The following RGP1 variants were observed in gnomAD, a reference collection of about 807,000 sequenced individuals.
RGP1 encodes RGP1 partner of RAB6A GEF complex, also known as RAB6A-GEF complex partner protein 2.
Under a neutral mutation model 44.5 loss-of-function variants are expected in RGP1, and 28 were observed. The observed-to-expected ratio is 0.63, with a 90% CI of 0.47 to 0.86. RGP1 has a LOEUF of 0.86. RGP1 is among the 40% of genes least tolerant of loss of function. RGP1 has a pLI of 0.00. For synonymous variants in RGP1, 212 were observed against 196.7 expected (o/e 1.08, Z -0.65); for missense variants, 417 against 490.7 (o/e 0.85, Z 1.42).
chr9:35,749,528 G>A lies in RGP1; in HGVS notation c.-20+120G>A. 1 of 679,120 alleles carries A rather than the reference G, an allele frequency of 1.5e-6. No individual in the cohort carries two copies. Among genetic ancestry groups the A allele is most frequent in the South Asian group, 1.5e-5 (1 of 66,728 alleles). 42.1% of individuals were successfully genotyped at this position (679,120 alleles called of 1,614,324 possible). A position where few individuals can be genotyped will look rare whatever the true frequency, so the allele number is the denominator to read the frequency against. On this transcript the variant is annotated intron_variant, in intron 1 of 8. Coordinates refer to ENST00000378078, the MANE Select transcript of RGP1 (RefSeq NM_001080496.3). The surrounding 1 kb of genome is among the most constrained non-coding windows in gnomAD (Gnocchi z 4.4). ...GAAGAACCCGTCGCACAGGGGCTGG[G>A]GTCTAGGGCCCAGAGCGATGTCCTC...
chr9:35,758,823 G>A (rs976080952), downstream of RGP1, among the ~76,000 whole-genome samples: 4 of 150,044 alleles, frequency 2.7e-5, no homozygotes, highest in Non-Finnish European at 1.5e-5. Context: ...TTTTTTTTAA[G>A]CCCACAGTCC....
chr9:35,753,638 C>T lies in RGP1; in HGVS notation c.*764C>T. 1 of 1,585,174 alleles carries T rather than the reference C, an allele frequency of 6.3e-7. No individual in the cohort carries two copies. Among genetic ancestry groups the T allele is most frequent in the South Asian group, 1.1e-5 (1 of 90,196 alleles). ...GTCACTCATATCAGAGTCATTCTCT[C>T]TGGCCATCTTTGGTCACTCACGTGT... On this transcript the variant is annotated 3_prime_UTR_variant, in exon 9 of 9. Coordinates refer to ENST00000378078, the MANE Select transcript of RGP1 (RefSeq NM_001080496.3). This position sits in a 1 kb window ranked among gnomAD's most constrained non-coding sequence, Gnocchi z 4.2.
At chr9:35,750,090 C>G (rs1488970253) in intron 2 of RGP1, among the ~76,000 whole-genome samples, 153 bp from the exon 3 acceptor site, 2 of 152,226 alleles carry the variant, frequency 1.3e-5, no homozygotes, top group East Asian at 3.8e-4. Context: ...GTCTGCTACT[C>G]TTTATTTAAT....
chr9:35,766,958 G>A, the RGP1 span, among the ~76,000 whole-genome samples: 1 of 152,150 alleles, frequency 6.6e-6, no homozygotes, highest in Non-Finnish European at 1.5e-5. Flanking sequence ...TTATTATAAT[G>A]AGCCTCCATT....
the RGP1 span, among the ~76,000 whole-genome samples, chr9:35,774,636 G>A: frequency 1.5e-4 from 23 of 152,166 alleles, no homozygotes; most frequent in East Asian, 1.2e-3. Context: ...AGGCAGGAGA[G>A]TGGCGTGAAC....
At chr9:35,766,143 T>C in the RGP1 span, among the ~76,000 whole-genome samples, 1 of 146,836 alleles carries the variant, frequency 6.8e-6, no homozygotes, top group Non-Finnish European at 1.5e-5. Flanking sequence ...TATTGTCAGT[T>C]TCTTAAAAAA....
chr9:35,767,397 A>G, the RGP1 span, among the ~76,000 whole-genome samples: 1 of 148,844 alleles, frequency 6.7e-6, no homozygotes, highest in Non-Finnish European at 1.5e-5. Flanking sequence ...TTAGCCATTC[A>G]TGTGTTCCTT....
At position 35,753,142 on chromosome 9, in the gene RGP1, G is replaced by A; in HGVS notation, c.*268G>A. 6.2e-7 allele frequency: 1 copy of A among 1,614,204 alleles called. No individual in the cohort carries two copies. Among genetic ancestry groups the A allele is most frequent in the Non-Finnish European group, 8.5e-7 (1 of 1,180,024 alleles). On this transcript the variant is annotated 3_prime_UTR_variant, in exon 9 of 9. Coordinates refer to ENST00000378078, the MANE Select transcript of RGP1 (RefSeq NM_001080496.3). This position sits in a 1 kb window ranked among gnomAD's most constrained non-coding sequence, Gnocchi z 4.2. ...CAGGAGCCCCAGGAACAGGGGTGTT[G>A]GCTGAGCCCCATTCTGGGTCAGGCC...
Position 35,756,382 on chromosome 9 carries a change from T to C in RGP1, c.*3508T>C, listed in dbSNP as rs1048850564. On this transcript the variant is annotated 3_prime_UTR_variant, in exon 9 of 9. Coordinates refer to ENST00000378078, the MANE Select transcript of RGP1 (RefSeq NM_001080496.3). ...GTCAGTGCACCTCAAACTCCCTTGC[T>C]GTCCTTTTCCAAGGAGACAGCTAAG... The C allele has an allele frequency of 1.3e-5, 2 of 152,326 alleles. No homozygotes were observed. The highest frequency in any genetic ancestry group is 4.8e-5 in the African/African-American group (2 of 41,458). The allele number at this position is 152,326 out of a possible 1,614,324, so 9.4% of individuals were successfully genotyped here. A position where few individuals can be genotyped will look rare whatever the true frequency, so the allele number is the denominator to read the frequency against.
chr9:35,757,484 A>T lies in RGP1; in HGVS notation c.*4610A>T, dbSNP rs111294412. The T allele has an allele frequency of 0.034, 5,125 of 152,612 alleles. 241 individuals are homozygous for T. The highest frequency in any genetic ancestry group is 0.11 in the African/African-American group (4,693 of 41,526). 9.5% of individuals were successfully genotyped at this position (152,612 alleles called of 1,614,324 possible). ...GTCGGGCAGGTGGCGTAACCCAGAA[A>T]GGGAAGGAGAGCCGGATTGATTGGG... On this transcript the variant is annotated 3_prime_UTR_variant, in exon 9 of 9. Coordinates refer to ENST00000378078, the MANE Select transcript of RGP1 (RefSeq NM_001080496.3).
the RGP1 span, among the ~76,000 whole-genome samples, chr9:35,781,572 G>A: frequency 6.6e-6 from 1 of 152,212 alleles, no homozygotes; most frequent in African/African-American, 2.4e-5. Flanking sequence ...TATTCCATGA[G>A]AGAAGGAATT....
downstream of RGP1, among the ~76,000 whole-genome samples, chr9:35,761,171 A>G (rs1025618767): frequency 6.6e-6 from 1 of 152,212 alleles, no homozygotes; most frequent in Non-Finnish European, 1.5e-5. Context: ...TGAGAACTAC[A>G]TTTCCCTGGG....
chr9:35,759,791 G>A (rs149825420), downstream of RGP1, among the ~76,000 whole-genome samples: 22 of 151,322 alleles, frequency 1.5e-4, no homozygotes, highest in East Asian at 3.7e-3. Flanking sequence ...AAGTCCTGTC[G>A]TCTTTGCTGG....
At chr9:35,788,480 C>T in the RGP1 span, among the ~76,000 whole-genome samples, 2 of 151,762 alleles carry the variant, frequency 1.3e-5, no homozygotes, top group African/African-American at 4.8e-5. Context: ...GCAGGAGAAT[C>T]ACTTGAACCT....
chr9:35,780,234 A>G, the RGP1 span: 2 of 152,188 alleles, frequency 1.3e-5, no homozygotes, highest in Non-Finnish European at 1.5e-5. Flanking sequence ...AGCAGAATCA[A>G]TAGAAGGGAT....
chr9:35,757,406 G>C lies in RGP1; in HGVS notation c.*4532G>C, dbSNP rs1156416682. On this transcript the variant is annotated 3_prime_UTR_variant, in exon 9 of 9. Transcript: ENST00000378078. ...GAGGGATCCCCTGGGAGAACTTGGC[G>C]GGCCGAGAGCAGACCCCAGGGCAAG... The C allele has an allele frequency of 1.3e-5, 2 of 152,614 alleles. No individual in the cohort carries two copies. Among genetic ancestry groups the C allele is most frequent in the Non-Finnish European group, 2.9e-5 (2 of 68,364 alleles). 9.5% of individuals were successfully genotyped at this position (152,614 alleles called of 1,614,324 possible).
the RGP1 span, among the ~76,000 whole-genome samples, chr9:35,771,611 T>C: frequency 6.6e-6 from 1 of 152,288 alleles, no homozygotes; most frequent in Non-Finnish European, 1.5e-5. Context: ...AATTTCTATG[T>C]AGGAGAAGCT....
chr9:35,753,956 CCT>C lies in RGP1; in HGVS notation c.*1087_*1088del, dbSNP rs1827318396. Reference sequence around the variant, plus strand: ...CTGTAAGGCCCCATCCTCCCTGTGCCCTCTCTGCTGCTCCTCCATTCCTAACG... The same window carrying C: ...CTGTAAGGCCCCATCCTCCCTGTGCCCTCTGCTGCTCCTCCATTCCTAACG... On this transcript the variant is annotated 3_prime_UTR_variant, in exon 9 of 9. Transcript: ENST00000378078. The surrounding 1 kb of genome is among the most constrained non-coding windows in gnomAD (Gnocchi z 4.2). The C allele has an allele frequency of 8.2e-6, 13 of 1,590,506 alleles. No individual in the cohort carries two copies. Among genetic ancestry groups the C allele is most frequent in the Middle Eastern group, 1.7e-4 (1 of 5,936 alleles).
At chr9:35,760,586 G>A (rs1412775804), downstream of RGP1, among the ~76,000 whole-genome samples, 3 of 152,164 alleles carry the variant, frequency 2.0e-5, no homozygotes, top group Non-Finnish European at 2.9e-5. Context: ...AATTTTAAAA[G>A]TGTGGTCTTT....
Sources: allele counts gnomAD v4.1 joint callset (sites outside exome capture counted in the v4.1 genomes callset), GRCh38; gene constraint gnomAD v4.1.1; non-coding constraint Gnocchi (gnomAD v3.1); transcripts MANE v1.5; gene names NCBI Gene and HGNC (gene_info 2026-07-23, HGNC 2026-07-21).